RABGAP1L: variants seen among roughly 807,000 people sequenced by gnomAD.
The protein encoded by RABGAP1L is rab GTPase-activating protein 1-like.
In RABGAP1L, 63 loss-of-function variants were observed where a neutral mutation model predicts 137.7. That is an observed-to-expected ratio of 0.46 (90% CI 0.37 to 0.56). The LOEUF is 0.56. Ranked by LOEUF, RABGAP1L falls within the 20% of genes least tolerant of loss-of-function variation. The probability of loss-of-function intolerance (pLI) is 0.00; values close to 1 mark genes in which losing one functional copy is unlikely to be tolerated. For missense variants in RABGAP1L, 1,095 were observed against 1,244.0 expected, an observed-to-expected ratio of 0.88 and a Z score of 1.80; for synonymous variants, 431 against 433.7, an observed-to-expected ratio of 0.99 and a Z score of 0.08.
At chr1:174,322,610 C>A (rs143400819) in intron 11 of RABGAP1L, among the ~76,000 whole-genome samples, 1 of 152,276 alleles carries the variant, frequency 6.6e-6, no homozygotes, top group African/African-American at 2.4e-5. Context: ...AGTTTCAGTG[C>A]CTTATATTTC....
chr1:174,782,806 C>T (rs1351205927), intron 18 of RABGAP1L, among the ~76,000 whole-genome samples: 1 of 152,136 alleles, frequency 6.6e-6, no homozygotes, highest in Non-Finnish European at 1.5e-5. Context: ...CCTGACCAAT[C>T]AGGTAGTAAA....
intron 20 of RABGAP1L, among the ~76,000 whole-genome samples, chr1:174,967,330 ATTTTT>A: frequency 8.6e-6 from 1 of 115,846 alleles, no homozygotes; most frequent in African/African-American, 3.5e-5. Flanking sequence ...CACCCAGCTA[ATTTTT>A]TTTTTTTTTT....
rs543638169 is a variant in RABGAP1L at position 174,625,101 on chromosome 1, T to C, written c.1711-12274T>C. 4.6e-5 allele frequency among the ~76,000 whole-genome samples: 7 copies of C among 152,206 alleles called. No individual in the cohort carries two copies. In the South Asian group the frequency reaches 1.2e-3, roughly 27 times the overall value. On this transcript the variant is annotated intron_variant, in intron 13 of 25. Coordinates refer to ENST00000681986, the MANE Select transcript of RABGAP1L (RefSeq NM_001366446.1). ...CTTGGCCAGGCTGGTCTTCAACTCC[T>C]GATCTCATGATCCACCCACCTCTGC...
chr1:174,313,804 T>G (rs1337117847), intron 11 of RABGAP1L, among the ~76,000 whole-genome samples: 1 of 152,226 alleles, frequency 6.6e-6, no homozygotes, highest in African/African-American at 2.4e-5. Context: ...GTTGATACGA[T>G]GTATCACATT....
At chr1:174,667,601 G>A (rs950352569) in intron 14 of RABGAP1L, among the ~76,000 whole-genome samples, 4 of 152,148 alleles carry the variant, frequency 2.6e-5, no homozygotes, top group Non-Finnish European at 5.9e-5. Flanking sequence ...TCTGCAGCAT[G>A]CCTGAATAAT....
intron 13 of RABGAP1L, among the ~76,000 whole-genome samples, chr1:174,457,467 C>T (rs1656164245): frequency 6.7e-6 from 1 of 148,594 alleles, no homozygotes; most frequent in Admixed American, 6.8e-5. Context: ...TCTACCAACT[C>T]AGGCATCATC....
intron 17 of RABGAP1L, among the ~76,000 whole-genome samples, chr1:174,715,512 A>G (rs1204722142): frequency 6.6e-6 from 1 of 152,230 alleles, no homozygotes; most frequent in Non-Finnish European, 1.5e-5. Context: ...TCTGGGCCAC[A>G]CACTGTACTA....
At chr1:174,977,832 T>C (rs1670779600) in intron 22 of RABGAP1L, among the ~76,000 whole-genome samples, 1 of 152,166 alleles carries the variant, frequency 6.6e-6, no homozygotes, top group East Asian at 1.9e-4. Context: ...CAACTGAGTG[T>C]AGATCACTAT....
At chr1:174,626,015 C>T (rs1202828625) in intron 13 of RABGAP1L, among the ~76,000 whole-genome samples, 5 of 152,142 alleles carry the variant, frequency 3.3e-5, no homozygotes, top group African/African-American at 9.7e-5. Flanking sequence ...ATATTTATAA[C>T]TTCGGAAAGT....
chr1:174,309,470 GT>G (rs1678612113), intron 11 of RABGAP1L, among the ~76,000 whole-genome samples: 1 of 152,020 alleles, frequency 6.6e-6, no homozygotes, highest in Admixed American at 6.6e-5. Context: ...TCCCCATTCA[GT>G]ATAATGTTAG....
chr1:174,621,044 A>G (rs1378829363), intron 13 of RABGAP1L, among the ~76,000 whole-genome samples: 2 of 152,224 alleles, frequency 1.3e-5, no homozygotes, highest in Non-Finnish European at 2.9e-5. Flanking sequence ...GAAGAAATGG[A>G]TAAATTCCTC....
intron 13 of RABGAP1L, among the ~76,000 whole-genome samples, chr1:174,556,852 G>A (rs747944487): frequency 4.6e-5 from 7 of 152,146 alleles, no homozygotes; most frequent in African/African-American, 1.2e-4. Flanking sequence ...TGAGTTAGTG[G>A]CATTTTTGTA....
chr1:174,663,282 A>G (rs1676525513), intron 14 of RABGAP1L, among the ~76,000 whole-genome samples: 1 of 152,196 alleles, frequency 6.6e-6, no homozygotes, highest in Non-Finnish European at 1.5e-5. Flanking sequence ...TTCTATGTTT[A>G]GACACTCAAA....
chr1:174,575,205 C>T (rs934679402), intron 13 of RABGAP1L, among the ~76,000 whole-genome samples: 2 of 152,208 alleles, frequency 1.3e-5, no homozygotes, highest in African/African-American at 4.8e-5. Context: ...GCTGGGATTA[C>T]AGGCATGAGC....
intron 12 of RABGAP1L, among the ~76,000 whole-genome samples, chr1:174,389,746 C>CT (rs1687070470): frequency 2.6e-5 from 4 of 152,192 alleles, no homozygotes; most frequent in Admixed American, 2.6e-4. Context: ...ATGTGGGGCA[C>CT]TGTTTCTAGG....
At chr1:174,824,780 C>G (rs1211663917) in intron 19 of RABGAP1L, among the ~76,000 whole-genome samples, 1 of 151,938 alleles carries the variant, frequency 6.6e-6, no homozygotes, top group African/African-American at 2.4e-5. Flanking sequence ...GGGCCTTTTT[C>G]TCTCCTCCTC....
chr1:174,189,718 T>C (rs4652237), intron 1 of RABGAP1L, among the ~76,000 whole-genome samples: 89,346 of 152,076 alleles, frequency 0.59, 29,231 homozygotes, highest in African/African-American at 0.9. Context: ...CCTGTAATCC[T>C]TGTACTTTGG....
At chr1:174,793,368 T>C (rs1297282494) in intron 18 of RABGAP1L, among the ~76,000 whole-genome samples, 1 of 152,238 alleles carries the variant, frequency 6.6e-6, no homozygotes, top group African/African-American at 2.4e-5. Flanking sequence ...TTAACAGTTA[T>C]GCCTTAAATT....
chr1:174,382,841 G>C (rs1256716639), intron 12 of RABGAP1L, among the ~76,000 whole-genome samples: 1 of 152,002 alleles, frequency 6.6e-6, no homozygotes, highest in East Asian at 1.9e-4. Flanking sequence ...GAGGAACTGC[G>C]TTCCTTTGGA....
Sources: gnomAD v4.1 joint callset for allele counts (sites outside exome capture counted in the v4.1 genomes callset) on GRCh38, gnomAD v4.1.1 for gene constraint, MANE v1.5 for transcripts, NCBI Gene and HGNC (gene_info 2026-07-23, HGNC 2026-07-21) for gene names.